FOXP2: variants seen among roughly 807,000 people sequenced by gnomAD.
The protein encoded by FOXP2 is forkhead box protein P2.
FOXP2 carries 12 observed loss-of-function variants against 115.8 expected under a neutral mutation model. The observed-to-expected ratio is 0.10, with a 90% CI of 0.07 to 0.17. The LOEUF is 0.17. FOXP2 is among the 10% of genes least tolerant of loss of function. The probability of loss-of-function intolerance (pLI) is 1.00; values close to 1 mark genes in which losing one functional copy is unlikely to be tolerated. For synonymous variants in FOXP2, 328 were observed against 297.7 expected, an observed-to-expected ratio of 1.10 and a Z score of -1.05; for missense variants, 629 against 843.5, an observed-to-expected ratio of 0.75 and a Z score of 3.15.
At chr7:114,526,565 A>G (rs1798884749) in intron 2 of FOXP2, among the ~76,000 whole-genome samples, 3 of 152,048 alleles carry the variant, frequency 2.0e-5, no homozygotes, top group South Asian at 2.1e-4. Context: ...AGTAATCAAA[A>G]CAATTGTTTG....
At chr7:114,680,744 TAA>T (rs773843932) in intron 16 of FOXP2, among the ~76,000 whole-genome samples, 46 of 119,058 alleles carry the variant, frequency 3.9e-4, no homozygotes, top group Admixed American at 4.3e-4. Flanking sequence ...AGACTCCATC[TAA>T]AAAAAAAAAA....
At chr7:114,659,811 C>A in intron 13 of FOXP2, 138 bp downstream of exon 13, 1 of 724,884 alleles carries the variant, frequency 1.4e-6, no homozygotes, top group Non-Finnish European at 2.5e-6. Flanking sequence ...GGAATGAATT[C>A]CCTCTCTCAA....
intron 3 of FOXP2, among the ~76,000 whole-genome samples, chr7:114,537,752 A>G (rs1373681123): frequency 6.6e-6 from 1 of 151,702 alleles, no homozygotes; most frequent in Non-Finnish European, 1.5e-5. Context: ...TCATGTATAG[A>G]TATCTGAATA....
At chr7:114,571,857 G>A (rs2189012) in intron 3 of FOXP2, among the ~76,000 whole-genome samples, 111,244 of 151,562 alleles carry the variant, frequency 0.73, 41,710 homozygotes, top group East Asian at 0.98. Flanking sequence ...TACACATACC[G>A]AAGGACTACT....
At chr7:114,102,482 A>G (rs1318513014) in intron 1 of FOXP2, among the ~76,000 whole-genome samples, 1 of 151,990 alleles carries the variant, frequency 6.6e-6, no homozygotes, top group Non-Finnish European at 1.5e-5. Context: ...TAAATGAATG[A>G]CTGTGCCTGT....
rs1363020478 is a variant in FOXP2 at position 114,658,079 on chromosome 7, C to T, written c.1280C>T (p.Ser427Phe). 3.7e-6 allele frequency: 6 copies of T among 1,613,736 alleles called. No homozygotes were observed. The highest frequency in any genetic ancestry group is 5.1e-6 in the Non-Finnish European group (6 of 1,179,794). Residue 427 changes from serine (S) to phenylalanine (F), a missense_variant, in exon 11 of 17, where the codon TCT (serine) becomes TTT (phenylalanine). Physicochemically the swap from Ser to Phe is radical, Grantham distance 155. Coordinates refer to ENST00000350908, the MANE Select transcript of FOXP2 (RefSeq NM_014491.4). ...KPSPKPLNLV[S>F]SVTMSKNMLE... ...GGGCCTTTGCAGCTAAATCTGGTGT[C>T]TAGTGTCACCATGTCGAAGAATATG...
At chr7:114,304,995 A>C (rs1045636431) in intron 2 of FOXP2, among the ~76,000 whole-genome samples, 1 of 152,178 alleles carries the variant, frequency 6.6e-6, no homozygotes, top group Non-Finnish European at 1.5e-5. Flanking sequence ...TAAAATTTTT[A>C]CTATGCTGTA....
chr7:114,669,533 CCT>C (rs1239522335), intron 16 of FOXP2: 2 of 151,892 alleles, frequency 1.3e-5, no homozygotes, highest in Non-Finnish European at 2.9e-5. Context: ...GCCAATATTC[CCT>C]TTTTCAGAGT....
At chr7:114,210,976 T>C (rs2129161665) in intron 1 of FOXP2, among the ~76,000 whole-genome samples, 1 of 152,250 alleles carries the variant, frequency 6.6e-6, no homozygotes, top group East Asian at 1.9e-4. Context: ...CCAGACCCTT[T>C]GAATTTTCCA....
intron 1 of FOXP2, among the ~76,000 whole-genome samples, chr7:114,228,785 T>C (rs1219579687): frequency 6.9e-6 from 1 of 145,592 alleles, no homozygotes; most frequent in Non-Finnish European, 1.5e-5. Flanking sequence ...AAACAAAGTA[T>C]AGAACTACAA....
At chr7:114,149,289 CA>C (rs1792467475) in intron 1 of FOXP2, among the ~76,000 whole-genome samples, 1 of 151,774 alleles carries the variant, frequency 6.6e-6, no homozygotes, top group Non-Finnish European at 1.5e-5. Flanking sequence ...TACTTGTGAA[CA>C]GTGGTCTTGA....
chr7:114,278,074 G>A (rs569034375), intron 1 of FOXP2, among the ~76,000 whole-genome samples: 1 of 138,836 alleles, frequency 7.2e-6, no homozygotes, highest in Non-Finnish European at 1.6e-5. Context: ...ATAGAATAAA[G>A]TAAGATACTA....
chr7:114,400,707 G>A (rs1792866508), intron 2 of FOXP2, among the ~76,000 whole-genome samples: 1 of 152,078 alleles, frequency 6.6e-6, no homozygotes, highest in Non-Finnish European at 1.5e-5. Flanking sequence ...TTCCTAGCAT[G>A]CACAGTTCAC....
At chr7:114,612,935 A>G (rs1341152441) in intron 3 of FOXP2, among the ~76,000 whole-genome samples, 1 of 152,168 alleles carries the variant, frequency 6.6e-6, no homozygotes, top group Non-Finnish European at 1.5e-5. Flanking sequence ...CACCAACCTG[A>G]CAGTGTCTGT....
At chr7:114,282,643 A>G (rs1361968510) in intron 1 of FOXP2, among the ~76,000 whole-genome samples, 1 of 152,156 alleles carries the variant, frequency 6.6e-6, no homozygotes, top group Non-Finnish European at 1.5e-5. Context: ...GCCAGGGAGT[A>G]TTCTAGGTTC....
intron 3 of FOXP2, among the ~76,000 whole-genome samples, chr7:114,622,274 C>T (rs1804294638): frequency 6.6e-6 from 1 of 151,944 alleles, no homozygotes; most frequent in African/African-American, 2.4e-5. Context: ...AACCACCATT[C>T]CTCTCTATTC....
intron 2 of FOXP2, among the ~76,000 whole-genome samples, chr7:114,474,668 T>C (rs557155771): frequency 1.3e-5 from 2 of 152,290 alleles, no homozygotes; most frequent in South Asian, 4.1e-4. Flanking sequence ...AAGGACTTGC[T>C]ATAAACCATT....
chr7:114,304,706 T>C (rs1796968469), intron 2 of FOXP2, among the ~76,000 whole-genome samples: 1 of 144,296 alleles, frequency 6.9e-6, no homozygotes, highest in African/African-American at 2.5e-5. Context: ...AGAGTGTGCA[T>C]GTGGAAATTT....
intron 7 of FOXP2, among the ~76,000 whole-genome samples, 189 bp downstream of exon 7, chr7:114,642,812 A>ATATATAT (rs1308357594): frequency 1.2e-3 from 90 of 72,400 alleles, no homozygotes; most frequent in African/African-American, 5.8e-3. Context: ...ATATATATAT[A>ATATATAT]TTTTTTTTTT....
Sources: allele counts gnomAD v4.1 joint callset (sites outside exome capture counted in the v4.1 genomes callset), GRCh38; gene constraint gnomAD v4.1.1; transcripts MANE v1.5; gene names NCBI Gene and HGNC (gene_info 2026-07-23, HGNC 2026-07-21).